The following KCNAB2 variants were observed in gnomAD, a reference collection of about 807,000 sequenced individuals.
KCNAB2 encodes the protein voltage-gated potassium channel subunit beta-2.
In KCNAB2, 29 loss-of-function variants were observed where a neutral mutation model predicts 63.6. The observed-to-expected ratio is 0.46, with a 90% CI of 0.34 to 0.62. The LOEUF is 0.62. Ranked by LOEUF, KCNAB2 falls within the 20% of genes least tolerant of loss-of-function variation. The pLI, the probability that KCNAB2 is intolerant of heterozygous loss-of-function variation, is 0.01. For synonymous variants in KCNAB2, 222 were observed against 224.2 expected (o/e 0.99, Z 0.09); for missense variants, 359 against 563.9 (o/e 0.64, Z 3.68).
rs370277536 is a variant in KCNAB2 at position 6,087,398 on chromosome 1, G to A, written c.426-69G>A. On this transcript the variant is annotated intron_variant, in intron 6 of 15. Coordinates refer to ENST00000378083, the MANE Select transcript of KCNAB2 (RefSeq NM_001199862.2). The surrounding 1 kb of genome is among the most constrained non-coding windows in gnomAD (Gnocchi z 6.4). Reference sequence around the variant, plus strand: ...GGACCTCTGTGTGAGAGATGAGGACGTCGGGGATGAAGGAGGACCCCCCAG... The same window carrying A: ...GGACCTCTGTGTGAGAGATGAGGACATCGGGGATGAAGGAGGACCCCCCAG... 43 of 1,532,124 alleles carry A rather than the reference G, an allele frequency of 2.8e-5. No individual in the cohort carries two copies. Among genetic ancestry groups the A allele is most frequent in the South Asian group, 1.9e-4 (17 of 89,308 alleles). The allele number at this position is 1,532,124 out of a possible 1,614,324, so 94.9% of individuals were successfully genotyped here.
chr1:6,049,396 G>T (rs1033903724), intron 1 of KCNAB2, among the ~76,000 whole-genome samples: 1 of 152,244 alleles, frequency 6.6e-6, no homozygotes, highest in Non-Finnish European at 1.5e-5. Context: ...AGCTAGAAAG[G>T]AATCAGCAAG....
chr1:6,071,525 G>T lies in KCNAB2; in HGVS notation c.219-1230G>T, dbSNP rs1400141171. Among the ~76,000 whole-genome samples the T allele has an allele frequency of 6.6e-6, 1 of 152,210 alleles. No homozygotes were observed. Among genetic ancestry groups the T allele is most frequent in the Admixed American group, 6.5e-5 (1 of 15,284 alleles). On this transcript the variant is annotated intron_variant, in intron 2 of 15. Coordinates refer to ENST00000378083, the MANE Select transcript of KCNAB2 (RefSeq NM_001199862.2). This position sits in a 1 kb window ranked among gnomAD's most constrained non-coding sequence, Gnocchi z 8.5. ...TGGGGTGTGGGATGCATGCCACCATGGTGGGGAACGTGAGCTGGCAGCCAA... is the reference window on the plus strand; with the variant it reads ...TGGGGTGTGGGATGCATGCCACCATTGTGGGGAACGTGAGCTGGCAGCCAA...
chr1:6,097,588 T>A, intron 15 of KCNAB2: 1 of 729,242 alleles, frequency 1.4e-6, no homozygotes, highest in Non-Finnish European at 2.2e-6. Context: ...ACGAGCGCTG[T>A]AGGAGAGAAG....
chr1:6,088,293 G>C (rs369891153), intron 7 of KCNAB2, among the ~76,000 whole-genome samples: 1 of 149,762 alleles, frequency 6.7e-6, no homozygotes, highest in Non-Finnish European at 1.5e-5. Flanking sequence ...GTACAGTGGC[G>C]TAGTCCCAGC....
At chr1:6,091,961 C>T (rs1191999619) in intron 10 of KCNAB2, among the ~76,000 whole-genome samples, 2 of 152,232 alleles carry the variant, frequency 1.3e-5, no homozygotes, top group Non-Finnish European at 2.9e-5. Context: ...CCTCTGGCCA[C>T]GCACAGTCTC....
chr1:6,096,168 G>GTGGCC lies in KCNAB2; in HGVS notation c.949-462_949-458dup, dbSNP rs920294180. 1.3e-4 allele frequency: 58 copies of GTGGCC among 457,502 alleles called. No homozygotes were observed. Among genetic ancestry groups the GTGGCC allele is most frequent in the African/African-American group, 1.0e-3 (52 of 50,190 alleles). The allele number at this position is 457,502 out of a possible 1,614,324, so 28.3% of individuals were successfully genotyped here. A position where few individuals can be genotyped will look rare whatever the true frequency, so the allele number is the denominator to read the frequency against. On this transcript the variant is annotated intron_variant, in intron 13 of 15. Coordinates refer to ENST00000378083, the MANE Select transcript of KCNAB2 (RefSeq NM_001199862.2). This position sits in a 1 kb window ranked among gnomAD's most constrained non-coding sequence, Gnocchi z 5.9. ...CCACAGCCCTGGGTTCCAGGGCAAC[G>GTGGCC]TGGCCTGGCCCCCGACTCCTCCCAT...
In KCNAB2 at chr1:6,087,248, C is replaced by G. The variant is rs1472699468; in HGVS notation, c.426-219C>G. 6.6e-6 allele frequency among the ~76,000 whole-genome samples: 1 copy of G among 152,248 alleles called. No individual in the cohort carries two copies. Among genetic ancestry groups the G allele is most frequent in the Non-Finnish European group, 1.5e-5 (1 of 68,042 alleles). ...ACTCCCACTGCCTGACTCACAGTTA[C>G]TGCCTCGGTGGCTGCCTCCTGGCTC... On this transcript the variant is annotated intron_variant, in intron 6 of 15. Transcript: ENST00000378083. The surrounding 1 kb of genome is among the most constrained non-coding windows in gnomAD (Gnocchi z 6.4).
chr1:6,098,153 G>A (rs1192417546), intron 15 of KCNAB2: 40 of 1,071,304 alleles, frequency 3.7e-5, no homozygotes, highest in South Asian at 1.9e-4. Context: ...TGAGGCAGGC[G>A]CAGCTGGAAA....
At chr1:6,070,976 A>G (rs1663137975) in intron 2 of KCNAB2, among the ~76,000 whole-genome samples, 1 of 152,152 alleles carries the variant, frequency 6.6e-6, no homozygotes, top group East Asian at 1.9e-4. Context: ...AGTGGTTTTA[A>G]TAGGAAATTG....
At chr1:6,090,899 A>G (rs1044002976) in intron 9 of KCNAB2, among the ~76,000 whole-genome samples, 2 of 152,136 alleles carry the variant, frequency 1.3e-5, no homozygotes, top group African/African-American at 2.4e-5. Context: ...GGGATAAATT[A>G]CTACATAGAG....
rs927658642 is a variant in KCNAB2, at chr1:6,071,243, C to T, written c.219-1512C>T. ...GATAAACTGAGGACATCGCATCCTC[C>T]GAAGTTGGAAGTGTCATGGCCCCAG... On this transcript the variant is annotated intron_variant, in intron 2 of 15. Coordinates refer to ENST00000378083, the MANE Select transcript of KCNAB2 (RefSeq NM_001199862.2). The surrounding 1 kb of genome is among the most constrained non-coding windows in gnomAD (Gnocchi z 8.5). Among the ~76,000 whole-genome samples, 11 of 152,160 alleles carry T rather than the reference C, an allele frequency of 7.2e-5. No individual in the cohort carries two copies. The highest frequency in any genetic ancestry group is 3.9e-4 in the East Asian group (2 of 5,170).
Position 6,100,748 on chromosome 1 carries a change from C to T in KCNAB2, c.*2174C>T, listed in dbSNP as rs1279023845. 1 of 152,368 alleles carries T rather than the reference C, an allele frequency of 6.6e-6. No homozygotes were observed. The highest frequency in any genetic ancestry group is 2.4e-5 in the African/African-American group (1 of 41,468). 9.4% of individuals were successfully genotyped at this position (152,368 alleles called of 1,614,324 possible). On this transcript the variant is annotated 3_prime_UTR_variant, in exon 16 of 16. Coordinates refer to ENST00000378083, the MANE Select transcript of KCNAB2 (RefSeq NM_001199862.2). ...TGGTTCCTGGATGTCCTGCTTGCTC[C>T]ACACCCATCTACAGGGAGGATGTGA...
intron 4 of KCNAB2, among the ~76,000 whole-genome samples, chr1:6,081,385 T>G (rs539108168): frequency 3.3e-5 from 5 of 152,296 alleles, no homozygotes; most frequent in African/African-American, 1.2e-4. Flanking sequence ...CTGGGAAAGA[T>G]TCAATGAGGT....
At chr1:6,008,243 C>G (rs866991328) in intron 1 of KCNAB2, among the ~76,000 whole-genome samples, 10 of 152,188 alleles carry the variant, frequency 6.6e-5, no homozygotes, top group African/African-American at 9.7e-5. Context: ...ACCCGCCCCC[C>G]CATCACCCTG....
At position 6,014,624 on chromosome 1, in the gene KCNAB2, G is replaced by A. The variant is rs577854901; in HGVS notation, c.-53+21836G>A. Among the ~76,000 whole-genome samples the A allele has an allele frequency of 5.3e-5, 8 of 152,332 alleles. No homozygotes were observed. The East Asian group carries it at 1.5e-3, about 29-fold the overall frequency. On this transcript the variant is annotated intron_variant, in intron 1 of 16. Coordinates refer to the KCNAB2 transcript ENST00000341524. Reference sequence around the variant, plus strand: ...CAAGCAGCACCACAGAGAGGGCTGCGAGGATGCCTTGATGGTGTTTACTCC... The same window carrying A: ...CAAGCAGCACCACAGAGAGGGCTGCAAGGATGCCTTGATGGTGTTTACTCC...
At chr1:6,057,720 C>T (rs1661960921) in intron 2 of KCNAB2, among the ~76,000 whole-genome samples, 1 of 151,982 alleles carries the variant, frequency 6.6e-6, no homozygotes, top group Non-Finnish European at 1.5e-5. Context: ...CTTTTTGCCT[C>T]CCCCAGTTTC....
At chr1:6,068,825 G>A (rs1461565541) in intron 2 of KCNAB2, among the ~76,000 whole-genome samples, 1 of 152,198 alleles carries the variant, frequency 6.6e-6, no homozygotes, top group Non-Finnish European at 1.5e-5. Context: ...TCCCAGTGGT[G>A]TGCTCCAGGC....
chr1:6,096,414 C>T lies in KCNAB2; in HGVS notation c.949-222C>T. On this transcript the variant is annotated intron_variant, in intron 13 of 15. Transcript: ENST00000378083. This position sits in a 1 kb window ranked among gnomAD's most constrained non-coding sequence, Gnocchi z 5.9. ...GCACCACAGTCTTTGCACTTCAGAG[C>T]CTGGACAGGCCCCGCTCATCCACCA... 2 of 609,820 alleles carry T rather than the reference C, an allele frequency of 3.3e-6. No individual in the cohort carries two copies. The highest frequency in any genetic ancestry group is 2.9e-5 in the East Asian group (1 of 34,750). The allele number at this position is 609,820 out of a possible 1,614,324, so 37.8% of individuals were successfully genotyped here.
At position 6,046,314 on chromosome 1, in the gene KCNAB2, G is replaced by A. The variant is rs141401740; in HGVS notation, c.-27+131G>A. On this transcript the variant is annotated intron_variant, in intron 1 of 15. Transcript: ENST00000378083. ...TGTCTGATCCGGAATTAGACCCTCC[G>A]TGTTTTTGCAAAGCAGAAGACCTTA... is the stretch of plus-strand genomic sequence containing the variant. 1.2e-3 allele frequency: 675 copies of A among 569,326 alleles called. 4 individuals carry two copies. The African/African-American group carries it at 0.013, about 11-fold the overall frequency. 35.3% of individuals were successfully genotyped at this position (569,326 alleles called of 1,614,324 possible).
Sources: allele counts gnomAD v4.1 joint callset (sites outside exome capture counted in the v4.1 genomes callset), GRCh38; gene constraint gnomAD v4.1.1; non-coding constraint Gnocchi (gnomAD v3.1); transcripts MANE v1.5; gene names NCBI Gene and HGNC (gene_info 2026-07-23, HGNC 2026-07-21).